PDZD2: variants seen among roughly 807,000 people sequenced by gnomAD.
PDZD2 encodes the protein PDZ domain-containing protein 2.
A neutral mutation model predicts 220.7 loss-of-function variants in PDZD2; 90 were observed. The ratio of observed to expected loss-of-function variants is 0.41; its 90% CI spans 0.34 to 0.49. The LOEUF is 0.49. Among genes scored for constraint, PDZD2 ranks in the 20% least tolerant of loss-of-function variants. The probability of loss-of-function intolerance (pLI) is 0.28; values close to 1 mark genes in which losing one functional copy is unlikely to be tolerated. For missense variants in PDZD2, 3,174 were observed against 3,608.5 expected (o/e 0.88, Z 3.08); for synonymous variants, 1,375 against 1,450.5 (o/e 0.95, Z 1.18).
At chr5:31,944,220 T>C (rs1746447762) in intron 2 of PDZD2, among the ~76,000 whole-genome samples, 1 of 152,166 alleles carries the variant, frequency 6.6e-6, no homozygotes, top group Admixed American at 6.6e-5. Context: ...AGAGAGTCTA[T>C]GGCACAAAAT....
At chr5:31,754,943 A>G (rs914710530) in intron 1 of PDZD2, among the ~76,000 whole-genome samples, 1 of 152,248 alleles carries the variant, frequency 6.6e-6, no homozygotes, top group Non-Finnish European at 1.5e-5. Flanking sequence ...ATGTTATACA[A>G]CAGACTAACT....
At chr5:32,096,148 A>T (rs181678092) in intron 21 of PDZD2, among the ~76,000 whole-genome samples, 1 of 152,180 alleles carries the variant, frequency 6.6e-6, no homozygotes, top group Admixed American at 6.5e-5. Flanking sequence ...GAAGCTGGAC[A>T]AAGACCATTT....
intron 2 of PDZD2, among the ~76,000 whole-genome samples, chr5:31,834,576 T>A (rs1198488139): frequency 6.6e-6 from 1 of 152,166 alleles, no homozygotes; most frequent in East Asian, 1.9e-4. Flanking sequence ...CAAATTTTGT[T>A]TGGTGCTCAT....
intron 1 of PDZD2, among the ~76,000 whole-genome samples, chr5:31,703,263 T>C (rs1419314125): frequency 2.0e-5 from 3 of 152,222 alleles, no homozygotes; most frequent in Non-Finnish European, 4.4e-5. Context: ...AAAGAAAATG[T>C]GGCACATATA....
At chr5:31,739,263 A>C (rs1750104201) in intron 1 of PDZD2, among the ~76,000 whole-genome samples, 1 of 152,206 alleles carries the variant, frequency 6.6e-6, no homozygotes, top group Admixed American at 6.5e-5. Flanking sequence ...AGAGTCTCAA[A>C]ATGCATGCCC....
At chr5:31,939,484 T>G (rs911310328) in intron 2 of PDZD2, among the ~76,000 whole-genome samples, 3 of 151,980 alleles carry the variant, frequency 2.0e-5, no homozygotes, top group Admixed American at 2.0e-4. Flanking sequence ...GGCTGTGGGG[T>G]GAAGGGTTGG....
chr5:31,848,674 G>A (rs374975807), intron 2 of PDZD2, among the ~76,000 whole-genome samples: 36 of 151,922 alleles, frequency 2.4e-4, no homozygotes, highest in African/African-American at 8.2e-4. Context: ...GCTTGAACCC[G>A]GGAGGCAGAG....
chr5:31,677,448 C>T (rs1746477448), intron 1 of PDZD2, among the ~76,000 whole-genome samples: 1 of 20,332 alleles, frequency 4.9e-5, no homozygotes. Flanking sequence ...AACCCCGTCT[C>T]TACTAAAAAT....
rs1322193800 is a variant in PDZD2, at chr5:32,098,466, C to T, written c.8050C>T (p.His2684Tyr). 1.9e-6 allele frequency: 3 copies of T among 1,613,972 alleles called. No homozygotes were observed. Among genetic ancestry groups the T allele is most frequent in the Non-Finnish European group, 2.5e-6 (3 of 1,180,014 alleles). Residue 2684 changes from histidine (H) to tyrosine (Y), a missense_variant, in exon 23 of 25, where the codon CAC becomes TAC. His to Tyr is a moderately conservative substitution (Grantham distance 83, BLOSUM62 2). Transcript: ENST00000438447. The surrounding 1 kb of genome is among the most constrained non-coding windows in gnomAD (Gnocchi z 4.1). ...CGGCGCCTCACTGGCTGGCTTAGCCCACGGGAATGTCCTGAAGGTTCTGCA... is the reference window on the plus strand; with the variant it reads ...CGGCGCCTCACTGGCTGGCTTAGCCTACGGGAATGTCCTGAAGGTTCTGCA... ...VNGASLAGLA[H>Y]GNVLKVLHQA...
At chr5:31,774,557 T>C (rs1752526265) in intron 1 of PDZD2, among the ~76,000 whole-genome samples, 1 of 151,582 alleles carries the variant, frequency 6.6e-6, no homozygotes. Context: ...CGACTAAAAA[T>C]ACAAAAAAAG....
chr5:31,689,335 A>T (rs2059837), intron 1 of PDZD2, among the ~76,000 whole-genome samples: 3 of 60,028 alleles, frequency 5.0e-5, no homozygotes, highest in Admixed American at 5.2e-4. Flanking sequence ...ATATACATAT[A>T]CATATATATA....
chr5:31,859,779 C>T (rs1178213492), intron 2 of PDZD2, among the ~76,000 whole-genome samples: 1 of 152,154 alleles, frequency 6.6e-6, no homozygotes, highest in Non-Finnish European at 1.5e-5. Context: ...AAGAATAGTT[C>T]CTTCTTACTA....
chr5:31,700,612 TA>T (rs1747569456), intron 1 of PDZD2, among the ~76,000 whole-genome samples: 1 of 152,222 alleles, frequency 6.6e-6, no homozygotes, highest in Non-Finnish European at 1.5e-5. Context: ...GAAAGTCTTA[TA>T]GCCTTTCCCT....
chr5:31,875,250 C>T (rs1010243659), intron 2 of PDZD2, among the ~76,000 whole-genome samples: 3 of 151,958 alleles, frequency 2.0e-5, no homozygotes, highest in Non-Finnish European at 4.4e-5. Context: ...ATAATTAGAT[C>T]TTCCCTCTGA....
chr5:31,950,031 G>A (rs1457330213), intron 2 of PDZD2, among the ~76,000 whole-genome samples: 1 of 152,096 alleles, frequency 6.6e-6, no homozygotes, highest in Non-Finnish European at 1.5e-5. Flanking sequence ...TCTATATGCA[G>A]TCTTATCCAG....
intron 1 of PDZD2, among the ~76,000 whole-genome samples, chr5:31,707,160 G>C (rs1264187981): frequency 1.6e-5 from 2 of 123,352 alleles, no homozygotes; most frequent in African/African-American, 3.0e-5. Context: ...TCATGGGGTG[G>C]GGGGAGGGGG....
chr5:31,668,602 G>A (rs983602340), intron 1 of PDZD2, among the ~76,000 whole-genome samples: 3 of 152,148 alleles, frequency 2.0e-5, no homozygotes, highest in Non-Finnish European at 2.9e-5. Context: ...TGTTCCTAAC[G>A]TCATAAACGG....
chr5:31,785,135 C>T (rs1405130180), intron 1 of PDZD2, among the ~76,000 whole-genome samples: 1 of 152,094 alleles, frequency 6.6e-6, no homozygotes, highest in Non-Finnish European at 1.5e-5. Context: ...TGGATGCAAA[C>T]ATCCTGCCCA....
intron 2 of PDZD2, chr5:31,840,898 G>A (rs1287995862): frequency 5.3e-5 from 31 of 584,384 alleles, no homozygotes; most frequent in Non-Finnish European, 8.6e-5. Flanking sequence ...ATGGACAAAG[G>A]AATAACTCCA....
Sources: gnomAD v4.1 joint callset for allele counts (sites outside exome capture counted in the v4.1 genomes callset) on GRCh38, gnomAD v4.1.1 for gene constraint, Gnocchi (gnomAD v3.1) non-coding constraint, MANE v1.5 for transcripts, NCBI Gene and HGNC (gene_info 2026-07-23, HGNC 2026-07-21) for gene names.